The following ZNF544 variants were observed in gnomAD, a reference collection of about 807,000 sequenced individuals.
ZNF544 encodes zinc finger protein AF020591.
A neutral mutation model predicts 13.5 loss-of-function variants in ZNF544; 10 were observed. That is an observed-to-expected ratio of 0.74 (90% confidence interval 0.46 to 1.25). The LOEUF is 1.25. Among genes scored for constraint, ZNF544 ranks in the 50% most tolerant of loss-of-function variants. ZNF544 has a pLI of 0.00. For synonymous variants in ZNF544, 323 were observed against 300.5 expected (o/e 1.07, Z -0.77); for missense variants, 896 against 845.6 (o/e 1.06, Z -0.74).
At position 58,262,429 on chromosome 19, in the gene ZNF544, AGT is replaced by A. The variant is rs1568503825; in HGVS notation, c.1827_1828del (p.Cys609TrpfsTer30). On this transcript the variant is annotated frameshift_variant, in exon 7 of 7. Transcript: ENST00000687789. LOFTEE classifies it low-confidence loss of function (END_TRUNC). Reference sequence around the variant, plus strand: ...GGAGAAAAGCCCTATGAATGTAACGAGTGTGGAAAAGCCTTCAATCGAAGCAC... The same window carrying A: ...GGAGAAAAGCCCTATGAATGTAACGAGTGGAAAAGCCTTCAATCGAAGCAC... 2 of 1,614,122 alleles carry A rather than the reference AGT, an allele frequency of 1.2e-6. No individual in the cohort carries two copies. The highest frequency in any genetic ancestry group is 1.7e-6 in the Non-Finnish European group (2 of 1,180,056).
chr19:58,277,236 A>C (rs1009870997), exon 7 of ZNF544: 51 of 707,356 alleles, frequency 7.2e-5, no homozygotes, highest in Middle Eastern at 5.1e-4. Context: ...GATCTGAGAG[A>C]GTGTGGCCAG....
intron 3 of ZNF544, among the ~76,000 whole-genome samples, chr19:58,236,502 CAAAA>C (rs35110851): frequency 4.7e-5 from 5 of 106,942 alleles, no homozygotes; most frequent in African/African-American, 1.3e-4. Context: ...AACTGTGTCT[CAAAA>C]AAAAAAAAAA....
intron 3 of ZNF544, among the ~76,000 whole-genome samples, chr19:58,230,664 A>G (rs772750926): frequency 6.6e-6 from 1 of 152,128 alleles, no homozygotes; most frequent in Non-Finnish European, 1.5e-5. Flanking sequence ...TGTGGTCTAC[A>G]TTTGTGTTTG....
intron 5 of ZNF544, among the ~76,000 whole-genome samples, chr19:58,270,744 A>G (rs919003553): frequency 2.6e-5 from 4 of 152,196 alleles, no homozygotes; most frequent in Admixed American, 1.3e-4. Flanking sequence ...AGATGGGGAA[A>G]GTAGTAGTGG....
At chr19:58,239,533 A>G (rs1288195978) in intron 3 of ZNF544, among the ~76,000 whole-genome samples, 5 of 152,206 alleles carry the variant, frequency 3.3e-5, no homozygotes, top group Non-Finnish European at 7.3e-5. Context: ...TCTCAGGTTG[A>G]CCAGATGGAC....
At chr19:58,273,790 TTTTTG>T (rs1439691865) in intron 5 of ZNF544, among the ~76,000 whole-genome samples, 6 of 151,230 alleles carry the variant, frequency 4.0e-5, no homozygotes, top group East Asian at 1.9e-4. Context: ...CCCTAAACAG[TTTTTG>T]TTTTGTTTTG....
At position 58,236,803 on chromosome 19, in the gene ZNF544, G is replaced by A. The variant is rs149994215; in HGVS notation, c.-60+6341G>A. On this transcript the variant is annotated intron_variant, in intron 3 of 6. Transcript: ENST00000687789. ...ATTGCCCAGGCTGGAGTGCAGTGGC[G>A]GGATCTCAGCTCACTGCAACCTCCA... Among the ~76,000 whole-genome samples the A allele has an allele frequency of 5.6e-3, 843 of 151,078 alleles. 9 individuals carry two copies. The highest frequency in any genetic ancestry group is 0.019 in the African/African-American group (794 of 41,114).
chr19:58,250,167 A>G (rs6510129), intron 6 of ZNF544, among the ~76,000 whole-genome samples: 55,075 of 152,104 alleles, frequency 0.36, 10,422 homozygotes, highest in Middle Eastern at 0.52. Flanking sequence ...TTTCTATGGT[A>G]AACATGTGGG....
At chr19:58,268,132 TCTA>T (rs2050167156), downstream of ZNF544, among the ~76,000 whole-genome samples, 1 of 151,632 alleles carries the variant, frequency 6.6e-6, no homozygotes, top group Non-Finnish European at 1.5e-5. Flanking sequence ...AAACCCTGTT[TCTA>T]CTAAAAATAC....
intron 4 of ZNF544, 57 bp downstream of exon 4, chr19:58,244,113 C>T (rs1355615455): frequency 6.8e-7 from 1 of 1,480,758 alleles, no homozygotes; most frequent in African/African-American, 1.4e-5. Context: ...AAAATGGGTC[C>T]AGGAATAGCA....
At chr19:58,231,410 A>G (rs2146387827) in intron 3 of ZNF544, among the ~76,000 whole-genome samples, 1 of 152,324 alleles carries the variant, frequency 6.6e-6, no homozygotes. Context: ...AAGGAAGATC[A>G]AATGCATGAA....
intron 6 of ZNF544, chr19:58,260,345 T>C (rs1040858474): frequency 2.0e-5 from 3 of 152,426 alleles, no homozygotes; most frequent in Non-Finnish European, 4.4e-5. Flanking sequence ...GGCCCGATCT[T>C]GGTTCACTGC....
chr19:58,256,361 A>C (rs1343975152), intron 6 of ZNF544, among the ~76,000 whole-genome samples: 1 of 152,000 alleles, frequency 6.6e-6, no homozygotes, highest in Non-Finnish European at 1.5e-5. Context: ...AAGAGTCCTT[A>C]ATTAAGCCGG....
At chr19:58,256,226 C>T (rs2047325495) in intron 6 of ZNF544, among the ~76,000 whole-genome samples, 1 of 151,156 alleles carries the variant, frequency 6.6e-6, no homozygotes, top group Non-Finnish European at 1.5e-5. Flanking sequence ...GCTGGCTCAC[C>T]AAAATATGTT....
chr19:58,243,939 G>A (rs767199514), intron 3 of ZNF544, 26 bp from the exon 4 acceptor site: 7 of 1,523,190 alleles, frequency 4.6e-6, no homozygotes, highest in Non-Finnish European at 6.2e-6. Flanking sequence ...CCGAGGGGCT[G>A]AATCTCTGCT....
Position 58,246,307 on chromosome 19 carries a change from G to T in ZNF544, c.40G>T (p.Val14Leu), listed in dbSNP as rs764055943. 1.2e-6 allele frequency: 2 copies of T among 1,613,896 alleles called. No homozygotes were observed. The highest frequency in any genetic ancestry group is 2.7e-5 in the African/African-American group (2 of 74,922). The change falls in exon 5 of 7, where the codon GTG (valine) becomes TTG (leucine). Residue 14 changes from valine to leucine, a missense_variant. Coordinates refer to ENST00000687789, the MANE Select transcript of ZNF544 (RefSeq NM_014480.4). Reference sequence around the variant, plus strand: ...AACAAGTGCCCTGTTTCAGGCATCTGTGTGCTTCGAGGATGTGGCTATGGC... The same window carrying T: ...AACAAGTGCCCTGTTTCAGGCATCTTTGTGCTTCGAGGATGTGGCTATGGC... Reference protein sequence around the residue: ...RSMLVPPQASVCFEDVAMAFT... With the variant: ...RSMLVPPQASLCFEDVAMAFT...
intron 3 of ZNF544, among the ~76,000 whole-genome samples, chr19:58,235,352 T>G (rs2042159815): frequency 6.6e-6 from 1 of 152,244 alleles, no homozygotes; most frequent in South Asian, 2.1e-4. Flanking sequence ...GTAGCTCCAT[T>G]GTAATCATAT....
chr19:58,253,959 C>T (rs1186025863), intron 6 of ZNF544, among the ~76,000 whole-genome samples: 2 of 152,142 alleles, frequency 1.3e-5, no homozygotes, highest in Non-Finnish European at 2.9e-5. Context: ...TTACTTAAGT[C>T]GGCTGGGTGC....
At chr19:58,264,295 G>C (rs1379409615), downstream of ZNF544, among the ~76,000 whole-genome samples, 1 of 150,752 alleles carries the variant, frequency 6.6e-6, no homozygotes, top group African/African-American at 2.4e-5. Flanking sequence ...GCTGAGGCAG[G>C]AGAATCTTGA....
Sources: gnomAD v4.1 joint callset for allele counts (sites outside exome capture counted in the v4.1 genomes callset) on GRCh38, gnomAD v4.1.1 for gene constraint, MANE v1.5 for transcripts, NCBI Gene and HGNC (gene_info 2026-07-23, HGNC 2026-07-21) for gene names.